MAN1C1: variants seen among roughly 807,000 people sequenced by gnomAD.
MAN1C1 encodes the protein mannosidase alpha class 1C member 1.
A neutral mutation model predicts 71.5 loss-of-function variants in MAN1C1; 49 were observed. The ratio of observed to expected loss-of-function variants is 0.69; its 90% CI spans 0.54 to 0.87. The LOEUF (loss-of-function observed/expected upper bound fraction) is 0.87. Among genes scored for constraint, MAN1C1 ranks in the 40% least tolerant of loss-of-function variants. MAN1C1 has a pLI of 0.00. For synonymous variants in MAN1C1, 352 were observed against 343.7 expected (o/e 1.02, Z -0.27); for missense variants, 743 against 835.0 (o/e 0.89, Z 1.36).
chr1:25,726,671 A>G (rs1406962118), intron 2 of MAN1C1, among the ~76,000 whole-genome samples: 1 of 152,112 alleles, frequency 6.6e-6, no homozygotes. Context: ...GCTTTGGACA[A>G]GCTTCTTAGC....
chr1:25,641,187 T>C (rs1001088495), intron 1 of MAN1C1, among the ~76,000 whole-genome samples: 2 of 152,180 alleles, frequency 1.3e-5, no homozygotes, highest in African/African-American at 4.8e-5. Context: ...CGCGGGGTAT[T>C]CTTAGAGCCC....
Position 25,781,107 on chromosome 1 carries a change from G to T in MAN1C1, c.1645G>T (p.Val549Leu). The change falls in exon 10 of 12, where the codon GTG becomes TTG. Residue 549 changes from valine to leucine, a missense_variant. Transcript: ENST00000374332. ...PIYREWGWEV[V>L]LALEKYCRTE... ...CTACAGGGAGTGGGGCTGGGAGGTGGTGCTGGTGAGTGGGCCCCAGGGATG... is the reference window on the plus strand; with the variant it reads ...CTACAGGGAGTGGGGCTGGGAGGTGTTGCTGGTGAGTGGGCCCCAGGGATG... 1 of 1,613,850 alleles carries T rather than the reference G, an allele frequency of 6.2e-7. No homozygotes were observed. The highest frequency in any genetic ancestry group is 8.5e-7 in the Non-Finnish European group (1 of 1,179,892).
At chr1:25,663,068 T>C (rs989862105) in intron 1 of MAN1C1, among the ~76,000 whole-genome samples, 2 of 150,496 alleles carry the variant, frequency 1.3e-5, no homozygotes, top group African/African-American at 4.9e-5. Flanking sequence ...TCCAGCCTGG[T>C]CAATAGAGTG....
intron 2 of MAN1C1, among the ~76,000 whole-genome samples, chr1:25,716,361 C>A (rs2046680820): frequency 6.6e-6 from 1 of 152,200 alleles, no homozygotes; most frequent in African/African-American, 2.4e-5. Flanking sequence ...GAGACAGGGT[C>A]TCACTCTGTC....
chr1:25,733,733 C>A (rs184724914), intron 2 of MAN1C1, among the ~76,000 whole-genome samples: 2 of 152,106 alleles, frequency 1.3e-5, no homozygotes, highest in Non-Finnish European at 2.9e-5. Flanking sequence ...TTCCTCTAAG[C>A]CTCAATCTTC....
chr1:25,757,072 A>G (rs1450613502), intron 5 of MAN1C1, among the ~76,000 whole-genome samples: 1 of 152,146 alleles, frequency 6.6e-6, no homozygotes, highest in Non-Finnish European at 1.5e-5. Flanking sequence ...GGAGGCTGGT[A>G]AGTGTCCCTA....
chr1:25,732,308 A>G (rs2046919926), intron 2 of MAN1C1, among the ~76,000 whole-genome samples: 1 of 152,152 alleles, frequency 6.6e-6, no homozygotes, highest in African/African-American at 2.4e-5. Context: ...AACCAGGCCC[A>G]GTCTCCCAAG....
rs544279652 is a variant in MAN1C1, at chr1:25,634,153, T to TA, written c.540+15817dup. On this transcript the variant is annotated intron_variant, in intron 1 of 11. Coordinates refer to ENST00000374332, the MANE Select transcript of MAN1C1 (RefSeq NM_020379.4). This position sits in a 1 kb window ranked among gnomAD's most constrained non-coding sequence, Gnocchi z 4.6. ...TAGCTTTCTTAGGATCTGTTATGTA[T>TA]ACAATCATGTTGTCTATGTCAAGAC... 2.9e-4 allele frequency among the ~76,000 whole-genome samples: 44 copies of TA among 152,362 alleles called. No individual in the cohort carries two copies. The highest frequency in any genetic ancestry group is 5.3e-4 in the Non-Finnish European group (36 of 68,034).
chr1:25,760,230 G>A (rs2047343320), intron 6 of MAN1C1: 1 of 152,184 alleles, frequency 6.6e-6, no homozygotes, highest in African/African-American at 2.4e-5. Context: ...CTATGAGGTG[G>A]GTCTTCCTGG....
intron 1 of MAN1C1, among the ~76,000 whole-genome samples, chr1:25,657,689 C>T (rs1188626931): frequency 2.0e-5 from 3 of 152,158 alleles, no homozygotes; most frequent in East Asian, 1.9e-4. Flanking sequence ...TTGATACAGC[C>T]GGAGCCATAG....
At chr1:25,635,402 A>G (rs1415696896) in intron 1 of MAN1C1, among the ~76,000 whole-genome samples, 1 of 149,140 alleles carries the variant, frequency 6.7e-6, no homozygotes, top group Non-Finnish European at 1.5e-5. Context: ...TTGGTCTAAA[A>G]TTGTTCCTAA....
chr1:25,618,117 G>C lies in MAN1C1; in HGVS notation c.320G>C (p.Gly107Ala), dbSNP rs927612154. The change falls in exon 1 of 12, where the codon GGG becomes GCG. Residue 107 changes from glycine (G) to alanine (A), a missense_variant. Physicochemically the swap from Gly to Ala is moderately conservative, Grantham distance 60. Transcript: ENST00000374332. ...SSWASPRRRK[G>A]GLRRTRPTGP... Reference sequence around the variant, plus strand: ...TGGGCCAGTCCCCGCCGCAGGAAAGGGGGGCTGCGGCGCACCCGCCCCACT... The same window carrying C: ...TGGGCCAGTCCCCGCCGCAGGAAAGCGGGGCTGCGGCGCACCCGCCCCACT... 10 of 1,513,390 alleles carry C rather than the reference G, an allele frequency of 6.6e-6. No individual in the cohort carries two copies. In the African/African-American group the frequency reaches 1.3e-4, roughly 20 times the overall value. The allele number at this position is 1,513,390 out of a possible 1,614,324, so 93.7% of individuals were successfully genotyped here. A position where few individuals can be genotyped will look rare whatever the true frequency, so the allele number is the denominator to read the frequency against.
chr1:25,700,213 A>T (rs1386927102), intron 2 of MAN1C1, among the ~76,000 whole-genome samples: 1 of 152,168 alleles, frequency 6.6e-6, no homozygotes, highest in African/African-American at 2.4e-5. Context: ...GGAATAGACC[A>T]TGTAGGGATA....
rs1035517372 is a variant in MAN1C1 at position 25,778,528 on chromosome 1, C to T, written c.1477+204C>T. On this transcript the variant is annotated intron_variant, in intron 9 of 11. Transcript: ENST00000374332. The surrounding 1 kb of genome is among the most constrained non-coding windows in gnomAD (Gnocchi z 5.5). ...GGGAAACTAGTACAGACACAGGAAG[C>T]GCTTTGCATGTACCTGGTACTCTTC... Among the ~76,000 whole-genome samples the T allele has an allele frequency of 1.3e-5, 2 of 152,170 alleles. No homozygotes were observed. The highest frequency in any genetic ancestry group is 2.4e-5 in the African/African-American group (1 of 41,432).
rs1237281245 is a variant in MAN1C1, at chr1:25,679,937, C to CAAA, written c.541-6491_541-6489dup. The stretch of plus-strand genomic sequence containing the variant: ...AGGTGACACAGCAAGACCTCTGTCT[C>CAAA]AAAAAAAAAAAAAATATATATATAT... On this transcript the variant is annotated intron_variant, in intron 1 of 11. Coordinates refer to ENST00000374332, the MANE Select transcript of MAN1C1 (RefSeq NM_020379.4). Among the ~76,000 whole-genome samples, 580 of 85,662 alleles carry CAAA rather than the reference C, an allele frequency of 6.8e-3. 4 individuals carry two copies. The highest frequency in any genetic ancestry group is 0.015 in the African/African-American group (328 of 21,698). The allele number at this position is 85,662 out of a possible 152,430, so 56.2% of individuals were successfully genotyped here.
chr1:25,773,376 A>C (rs934125298), intron 8 of MAN1C1, among the ~76,000 whole-genome samples: 1 of 152,228 alleles, frequency 6.6e-6, no homozygotes, highest in Non-Finnish European at 1.5e-5. Flanking sequence ...AAAGACACAC[A>C]TTGAAACGGA....
intron 2 of MAN1C1, among the ~76,000 whole-genome samples, chr1:25,703,961 C>T (rs1012222608): frequency 1.3e-5 from 2 of 152,162 alleles, no homozygotes; most frequent in Admixed American, 6.5e-5. Flanking sequence ...TGGGCACTGG[C>T]GGGATCTGTC....
chr1:25,780,909 A>G (rs1369126075), intron 9 of MAN1C1, 31 bp from the exon 10 acceptor site: 4 of 1,608,836 alleles, frequency 2.5e-6, no homozygotes, highest in Non-Finnish European at 3.4e-6. Flanking sequence ...GGGAGGTCTG[A>G]CCTGGGCCCT....
intron 1 of MAN1C1, among the ~76,000 whole-genome samples, chr1:25,656,259 C>T (rs916052150): frequency 1.3e-5 from 2 of 151,302 alleles, no homozygotes; most frequent in Non-Finnish European, 2.9e-5. Context: ...CACCATGCCC[C>T]GCTAATTTTT....
Sources: allele counts gnomAD v4.1 joint callset (sites outside exome capture counted in the v4.1 genomes callset), GRCh38; gene constraint gnomAD v4.1.1; non-coding constraint Gnocchi (gnomAD v3.1); transcripts MANE v1.5; gene names NCBI Gene and HGNC (gene_info 2026-07-23, HGNC 2026-07-21).